Variants in TDRD15 observed in about 807,000 individuals in gnomAD.
TDRD15 encodes the protein tudor domain-containing protein 15.
For missense variants in TDRD15, 1,416 were observed against 904.7 expected (o/e 1.57, Z -7.25); for synonymous variants, 503 against 314.5 (o/e 1.60, Z -6.34).
intron 2 of TDRD15, among the ~76,000 whole-genome samples, chr2:21,131,853 C>A (rs1019957914): frequency 6.6e-6 from 1 of 151,968 alleles, no homozygotes. Context: ...TAAATGAAAA[C>A]TCTTTGAGAT....
chr2:21,127,981 C>T (rs1374414805), intron 2 of TDRD15, among the ~76,000 whole-genome samples: 1 of 152,112 alleles, frequency 6.6e-6, no homozygotes, highest in African/African-American at 2.4e-5. Flanking sequence ...AAACATCTTT[C>T]AGTATGTATT....
chr2:21,139,024 T>C lies in TDRD15; in HGVS notation c.1557T>C (p.Tyr519=). The change falls in exon 4 of 4, where the codon TAT becomes TAC. Residue 519 remains tyrosine, a synonymous_variant. Coordinates refer to ENST00000405799, the MANE Select transcript of TDRD15 (RefSeq NM_001306137.2). ...TAATGAAAAACATAAACAAATTTTA[T>C]GATTTGTGTGAAAACGATGAAATGA... ...QEIMKNINKF[Y]DLCENDEMIL... 1.4e-6 allele frequency: 1 copy of C among 713,032 alleles called. No individual in the cohort carries two copies. Among genetic ancestry groups the C allele is most frequent in the Non-Finnish European group, 2.6e-6 (1 of 383,478 alleles). 44.2% of individuals were successfully genotyped at this position (713,032 alleles called of 1,614,324 possible). A position where few individuals can be genotyped will look rare whatever the true frequency, so the allele number is the denominator to read the frequency against.
chr2:21,146,440 A>G (rs1208449683), downstream of TDRD15, among the ~76,000 whole-genome samples: 5 of 152,040 alleles, frequency 3.3e-5, no homozygotes, highest in East Asian at 3.9e-4. Flanking sequence ...TCTGTAGACT[A>G]TTTTCTCCAG....
intron 1 of TDRD15, among the ~76,000 whole-genome samples, chr2:21,126,596 C>T (rs1473012791): frequency 6.6e-6 from 1 of 152,144 alleles, no homozygotes; most frequent in East Asian, 1.9e-4. Flanking sequence ...GAACTCCCGA[C>T]CTCAGGTGAT....
At chr2:21,129,478 T>A (rs1665677460) in intron 2 of TDRD15, among the ~76,000 whole-genome samples, 1 of 152,264 alleles carries the variant, frequency 6.6e-6, no homozygotes, top group Non-Finnish European at 1.5e-5. Flanking sequence ...TCTTTTTATA[T>A]GCTTATTGGC....
At chr2:21,129,187 C>T (rs558602541) in intron 2 of TDRD15, among the ~76,000 whole-genome samples, 3 of 151,972 alleles carry the variant, frequency 2.0e-5, no homozygotes, top group Non-Finnish European at 1.5e-5. Context: ...AGGAATAATG[C>T]TACTAAGAAT....
chr2:21,141,301 T>TA lies in TDRD15; in HGVS notation c.3835dup (p.Ile1279AsnfsTer2), dbSNP rs1558300943. ...CAACCTCACAAAACCCATATGACCTTATTAGGCCACAGATCAAAGACCTTC... is the reference window on the plus strand; with the variant it reads ...CAACCTCACAAAACCCATATGACCTTAATTAGGCCACAGATCAAAGACCTTC... On this transcript the variant is annotated frameshift_variant, in exon 4 of 4. Transcript: ENST00000405799. LOFTEE classifies it low-confidence loss of function (END_TRUNC). 2 of 715,550 alleles carry TA rather than the reference T, an allele frequency of 2.8e-6. No homozygotes were observed. The highest frequency in any genetic ancestry group is 1.7e-5 in the African/African-American group (1 of 57,250). The allele number at this position is 715,550 out of a possible 1,614,324, so 44.3% of individuals were successfully genotyped here. A position where few individuals can be genotyped will look rare whatever the true frequency, so the allele number is the denominator to read the frequency against.
At chr2:21,132,028 G>A (rs769179928) in intron 2 of TDRD15, among the ~76,000 whole-genome samples, 13 of 152,184 alleles carry the variant, frequency 8.5e-5, no homozygotes, top group African/African-American at 1.4e-4. Flanking sequence ...CAGGGAATGC[G>A]TCACCTAGAA....
At chr2:21,144,527 A>C (rs1281645484), downstream of TDRD15, among the ~76,000 whole-genome samples, 1 of 151,726 alleles carries the variant, frequency 6.6e-6, no homozygotes, top group African/African-American at 2.4e-5. Context: ...CCCCTTTTCT[A>C]TCTAATTTTT....
At chr2:21,133,602 G>A (rs1399387909) in intron 2 of TDRD15, among the ~76,000 whole-genome samples, 3 of 151,972 alleles carry the variant, frequency 2.0e-5, no homozygotes, top group Admixed American at 6.6e-5. Context: ...GAAAAATGAA[G>A]GATCTTATTG....
In TDRD15 at chr2:21,143,650, GATA is replaced by G. The variant is rs1208281824; in HGVS notation, c.*383_*385del. 2.0e-5 allele frequency among the ~76,000 whole-genome samples: 3 copies of G among 151,286 alleles called. No homozygotes were observed. The highest frequency in any genetic ancestry group is 1.9e-4 in the East Asian group (1 of 5,178). On this transcript the variant is annotated 3_prime_UTR_variant, in exon 4 of 4. Coordinates refer to ENST00000405799, the MANE Select transcript of TDRD15 (RefSeq NM_001306137.2). ...GAGAACAGCAGTAAAAACATTGCAT[GATA>G]ATAAAAAAAAACACAGAACACTTAA...
At chr2:21,130,077 C>A (rs1185049456) in intron 2 of TDRD15, among the ~76,000 whole-genome samples, 1 of 152,158 alleles carries the variant, frequency 6.6e-6, no homozygotes, top group Non-Finnish European at 1.5e-5. Flanking sequence ...AAGGACAGTA[C>A]CCTCCTGACC....
chr2:21,145,725 C>T (rs183012392), downstream of TDRD15, among the ~76,000 whole-genome samples: 1 of 151,954 alleles, frequency 6.6e-6, no homozygotes, highest in Non-Finnish European at 1.5e-5. Flanking sequence ...TTAAAAATAA[C>T]TGGTTTTTAT....
At chr2:21,125,115 G>T (rs1239734837) in intron 1 of TDRD15, among the ~76,000 whole-genome samples, 1 of 151,228 alleles carries the variant, frequency 6.6e-6, no homozygotes, top group Non-Finnish European at 1.5e-5. Flanking sequence ...ATGCCAGGGT[G>T]TGTGTTAGAG....
At chr2:21,145,436 TG>T (rs956579526), downstream of TDRD15, among the ~76,000 whole-genome samples, 2 of 152,030 alleles carry the variant, frequency 1.3e-5, no homozygotes, top group African/African-American at 4.8e-5. Context: ...ATGTTTTTTT[TG>T]GCCATCAAAT....
Position 21,142,166 on chromosome 2 carries a change from T to C in TDRD15, c.4699T>C (p.Ser1567Pro). Residue 1567 changes from serine (S) to proline (P), a missense_variant, in exon 4 of 4, where the codon TCC becomes CCC. Physicochemically the swap from Ser to Pro is moderately conservative, Grantham distance 74 (BLOSUM62 -1). Coordinates refer to ENST00000405799, the MANE Select transcript of TDRD15 (RefSeq NM_001306137.2). Reference sequence around the variant, plus strand: ...ATTAATTACGAAAGAAGAAAAAAAATCCCCTTTTTTATCAATGGAAAGTAT... The same window carrying C: ...ATTAATTACGAAAGAAGAAAAAAAACCCCCTTTTTTATCAATGGAAAGTAT... ...IVLITKEEKK[S>P]PFLSMESIEK... The C allele has an allele frequency of 1.5e-6, 1 of 670,786 alleles. No homozygotes were observed. The highest frequency in any genetic ancestry group is 2.7e-6 in the Non-Finnish European group (1 of 371,994). The allele number at this position is 670,786 out of a possible 1,614,324, so 41.6% of individuals were successfully genotyped here.
At chr2:21,133,487 G>C (rs1207074120) in intron 2 of TDRD15, among the ~76,000 whole-genome samples, 1 of 152,050 alleles carries the variant, frequency 6.6e-6, no homozygotes, top group East Asian at 1.9e-4. Flanking sequence ...AATGTACATA[G>C]TGAACTGGAC....
In TDRD15 at chr2:21,139,851, T is replaced by C. The variant is rs1665885769; in HGVS notation, c.2384T>C (p.Ile795Thr). The change falls in exon 4 of 4, where the codon ATT becomes ACT. Residue 795 changes from isoleucine (I) to threonine (T), a missense_variant. Physicochemically the swap from Ile to Thr is moderately conservative, Grantham distance 89. Coordinates refer to ENST00000405799, the MANE Select transcript of TDRD15 (RefSeq NM_001306137.2). The stretch of plus-strand genomic sequence containing the variant: ...GAGCAAATTCAGAATTACTATAGTA[T>C]TCATTCTGATCCTTATGAGATTGGG... Reference protein sequence around the residue: ...LMEQIQNYYSIHSDPYEIGQT... With the variant: ...LMEQIQNYYSTHSDPYEIGQT... The C allele has an allele frequency of 1.4e-6, 1 of 715,808 alleles. No individual in the cohort carries two copies. The highest frequency in any genetic ancestry group is 1.5e-5 in the South Asian group (1 of 67,526). 44.3% of individuals were successfully genotyped at this position (715,808 alleles called of 1,614,324 possible).
rs1237378422 is a variant in TDRD15 at position 21,142,273 on chromosome 2, T to A, written c.4806T>A (p.Asp1602Glu). The A allele has an allele frequency of 2.9e-6, 2 of 693,878 alleles. No individual in the cohort carries two copies. The highest frequency in any genetic ancestry group is 5.3e-6 in the Non-Finnish European group (2 of 378,452). The allele number at this position is 693,878 out of a possible 1,614,324, so 43.0% of individuals were successfully genotyped here. Residue 1602 changes from aspartate to glutamate, a missense_variant, in exon 4 of 4, where the codon GAT (aspartate) becomes GAA (glutamate). Physicochemically the swap from Asp to Glu is conservative, Grantham distance 45 (BLOSUM62 2). Transcript: ENST00000405799. ...HRSKVEEKYV[D>E]DKVLVFLVDC... is the part of the protein sequence containing the mutation. Reference sequence around the variant, plus strand: ...CAAAAGTAGAAGAAAAGTATGTTGATGATAAAGTACTTGTTTTTTTAGTAG... The same window carrying A: ...CAAAAGTAGAAGAAAAGTATGTTGAAGATAAAGTACTTGTTTTTTTAGTAG...
Sources: gnomAD v4.1 joint callset for allele counts (sites outside exome capture counted in the v4.1 genomes callset) on GRCh38, gnomAD v4.1.1 for gene constraint, MANE v1.5 for transcripts, NCBI Gene and HGNC (gene_info 2026-07-23, HGNC 2026-07-21) for gene names.